SPATA17: variants seen among roughly 807,000 people sequenced by gnomAD.
The protein encoded by SPATA17 is spermatogenesis-associated protein 17.
SPATA17 carries 53 observed loss-of-function variants against 62.2 expected under a neutral mutation model. That is an observed-to-expected ratio of 0.85 (90% CI 0.68 to 1.07). SPATA17 has a LOEUF of 1.07. SPATA17 is among the 50% of genes least tolerant of loss of function. The probability of loss-of-function intolerance (pLI) is 0.00; values close to 1 mark genes in which losing one functional copy is unlikely to be tolerated. For missense variants in SPATA17, 466 were observed against 425.5 expected (o/e 1.10, Z -0.84); for synonymous variants, 146 against 146.8 (o/e 0.99, Z 0.04).
At chr1:217,706,919 T>A (rs1223935149) in intron 5 of SPATA17, among the ~76,000 whole-genome samples, 2 of 151,752 alleles carry the variant, frequency 1.3e-5, no homozygotes, top group East Asian at 3.9e-4. Context: ...CAGGCTGGAG[T>A]GCAATGGCAC....
intron 6 of SPATA17, among the ~76,000 whole-genome samples, chr1:217,751,534 A>T (rs184707184): frequency 6.6e-6 from 1 of 152,354 alleles, no homozygotes; most frequent in Non-Finnish European, 1.5e-5. Flanking sequence ...CTGAACTAGC[A>T]TGGAGAATGA....
At chr1:217,703,938 T>C (rs1396844162) in intron 5 of SPATA17, among the ~76,000 whole-genome samples, 1 of 152,178 alleles carries the variant, frequency 6.6e-6, no homozygotes, top group African/African-American at 2.4e-5. Flanking sequence ...AGTTTTTATT[T>C]TCAATGAATA....
intron 9 of SPATA17, among the ~76,000 whole-genome samples, chr1:217,859,604 A>T (rs187061934): frequency 6.6e-6 from 1 of 152,158 alleles, no homozygotes. Context: ...ATGGAGTCTC[A>T]CTATGTGGCC....
chr1:217,712,146 T>TA (rs1671885127), intron 5 of SPATA17, among the ~76,000 whole-genome samples: 1 of 150,408 alleles, frequency 6.6e-6, no homozygotes, highest in East Asian at 1.9e-4. Flanking sequence ...TTTTTTTTTT[T>TA]ACGGAGTTTC....
Position 217,801,779 on chromosome 1 carries a change from A to G in SPATA17, c.934A>G (p.Ser312Gly), listed in dbSNP as rs1330939898. 6.2e-7 allele frequency: 1 copy of G among 1,611,892 alleles called. No individual in the cohort carries two copies. The highest frequency in any genetic ancestry group is 8.5e-7 in the Non-Finnish European group (1 of 1,179,030). Reference protein sequence around the residue: ...EKYIPSMHLSSKYGPISYKEQ... With the variant: ...EKYIPSMHLSGKYGPISYKEQ... ...GTACATCCCATCAATGCATTTATCA[A>G]GCAAGTATGGTCCTATTTCTTACAA... Residue 312 changes from serine to glycine, a missense_variant, in exon 9 of 11, where the codon AGC becomes GGC. Coordinates refer to ENST00000366933, the MANE Select transcript of SPATA17 (RefSeq NM_138796.4).
intron 6 of SPATA17, among the ~76,000 whole-genome samples, chr1:217,771,643 TACTG>T (rs1185384609): frequency 6.6e-6 from 1 of 152,184 alleles, no homozygotes; most frequent in Non-Finnish European, 1.5e-5. Context: ...ATTTCTAAAA[TACTG>T]ACACCTTGAA....
chr1:217,862,494 A>T (rs1675918277), intron 9 of SPATA17, among the ~76,000 whole-genome samples: 1 of 152,198 alleles, frequency 6.6e-6, no homozygotes, highest in Non-Finnish European at 1.5e-5. Context: ...CGACTCATTG[A>T]AGACAGGTGG....
At chr1:217,661,923 T>C (rs1327190198) in intron 3 of SPATA17, among the ~76,000 whole-genome samples, 1 of 152,182 alleles carries the variant, frequency 6.6e-6, no homozygotes, top group Non-Finnish European at 1.5e-5. Context: ...CTGTGTAGTG[T>C]TCTAGTTAGC....
intron 9 of SPATA17, among the ~76,000 whole-genome samples, chr1:217,858,700 C>A (rs986826914): frequency 7.2e-6 from 1 of 138,658 alleles, no homozygotes; most frequent in African/African-American, 2.4e-5. Context: ...CCAGCCTGGG[C>A]GACATAGCAA....
chr1:217,836,255 G>A (rs1220434241), intron 9 of SPATA17, among the ~76,000 whole-genome samples: 1 of 152,084 alleles, frequency 6.6e-6, no homozygotes, highest in African/African-American at 2.4e-5. Flanking sequence ...AAAACCAAAT[G>A]TGTTTCCAAG....
At position 217,736,783 on chromosome 1, in the gene SPATA17, C is replaced by T. The variant is rs1356407706; in HGVS notation, c.396-5192C>T. Among the ~76,000 whole-genome samples the T allele has an allele frequency of 9.9e-5, 15 of 152,242 alleles. No individual in the cohort carries two copies. In the East Asian group the frequency reaches 2.1e-3, roughly 22 times the overall value. ...GTCTCTTTTATACATTAATGTTGTA[C>T]ATTAGAATTATTTACTTGCTCAGAA... On this transcript the variant is annotated intron_variant, in intron 5 of 10. Transcript: ENST00000366933.
rs6604561 is a variant in SPATA17, at chr1:217,774,396, G to A, written c.582G>A (p.Gln194=). 0.8 allele frequency: 1,283,961 copies of A among 1,613,692 alleles called. 513,462 individuals carry two copies. Among genetic ancestry groups the A allele is most frequent in the Non-Finnish European group, 0.81 (959,773 of 1,179,804 alleles). Residue 194 remains glutamine, a synonymous_variant, in exon 7 of 11, where the codon CAG becomes CAA. Coordinates refer to ENST00000366933, the MANE Select transcript of SPATA17 (RefSeq NM_138796.4). ...KEPDPWELQL[Q]KAKPLTHRRP... ...CTGATCCATGGGAGCTGCAATTACA[G>A]AAGGCAAAGCCTTTAACACACCGAA...
intron 10 of SPATA17, among the ~76,000 whole-genome samples, chr1:217,864,481 A>G (rs1482086428): frequency 6.6e-6 from 1 of 152,180 alleles, no homozygotes; most frequent in East Asian, 1.9e-4. Context: ...ACTTAAATAT[A>G]TACATATGTA....
intron 6 of SPATA17, among the ~76,000 whole-genome samples, chr1:217,755,880 C>G (rs1392206394): frequency 6.6e-6 from 1 of 151,730 alleles, no homozygotes; most frequent in African/African-American, 2.4e-5. Flanking sequence ...ATATCTATAC[C>G]AAAATCAACC....
chr1:217,847,133 A>G (rs760483860), intron 9 of SPATA17, among the ~76,000 whole-genome samples: 22 of 151,962 alleles, frequency 1.4e-4, no homozygotes, highest in Non-Finnish European at 2.8e-4. Flanking sequence ...AAATTGTTCT[A>G]TTCTATCCTC....
At chr1:217,715,242 A>T (rs1305409924) in intron 5 of SPATA17, among the ~76,000 whole-genome samples, 1 of 152,228 alleles carries the variant, frequency 6.6e-6, no homozygotes, top group Non-Finnish European at 1.5e-5. Context: ...GTATTAACAG[A>T]TGATATTGAA....
At chr1:217,792,851 C>T (rs764473104) in intron 8 of SPATA17, among the ~76,000 whole-genome samples, 5 of 152,080 alleles carry the variant, frequency 3.3e-5, no homozygotes, top group Non-Finnish European at 5.9e-5. Flanking sequence ...GGAACGTCCT[C>T]TCATGCCCTG....
rs148926747 is a variant in SPATA17, at chr1:217,716,558, C to T, written c.396-25417C>T. On this transcript the variant is annotated intron_variant, in intron 5 of 10. Coordinates refer to ENST00000366933, the MANE Select transcript of SPATA17 (RefSeq NM_138796.4). Reference sequence around the variant, plus strand: ...TGCTGATAAAATATTCCTCTTTAGACACATGTACAGGGTAGGCAAATAACA... The same window carrying T: ...TGCTGATAAAATATTCCTCTTTAGATACATGTACAGGGTAGGCAAATAACA... 1.8e-3 allele frequency among the ~76,000 whole-genome samples: 281 copies of T among 152,256 alleles called. 1 individual carries two copies. The highest frequency in any genetic ancestry group is 6.3e-3 in the African/African-American group (260 of 41,552).
chr1:217,706,074 G>T (rs1221498830), intron 5 of SPATA17, among the ~76,000 whole-genome samples: 20 of 152,154 alleles, frequency 1.3e-4, no homozygotes, highest in Admixed American at 1.3e-3. Flanking sequence ...ATATGTGTCT[G>T]TTTTTGTAGC....
Sources: gnomAD v4.1 joint callset for allele counts (sites outside exome capture counted in the v4.1 genomes callset) on GRCh38, gnomAD v4.1.1 for gene constraint, MANE v1.5 for transcripts, NCBI Gene and HGNC (gene_info 2026-07-23, HGNC 2026-07-21) for gene names.